The following MACROD2 variants were observed in gnomAD, a reference collection of about 807,000 sequenced individuals.
MACROD2 encodes the protein mono-ADP ribosylhydrolase 2.
MACROD2 carries 36 observed loss-of-function variants against 70.4 expected under a neutral mutation model. The ratio of observed to expected loss-of-function variants is 0.51; its 90% confidence interval spans 0.39 to 0.68. The LOEUF (loss-of-function observed/expected upper bound fraction) is 0.68, where lower values mean the gene tolerates loss of function less well. Ranked by LOEUF, MACROD2 falls within the 30% of genes least tolerant of loss-of-function variation. MACROD2 has a pLI of 0.00. For missense variants in MACROD2, 496 were observed against 538.4 expected (o/e 0.92, Z 0.78); for synonymous variants, 172 against 178.8 (o/e 0.96, Z 0.30).
intron 5 of MACROD2, among the ~76,000 whole-genome samples, chr20:14,978,633 C>T (rs2074765444): frequency 6.8e-6 from 1 of 147,288 alleles, no homozygotes; most frequent in African/African-American, 2.5e-5. Flanking sequence ...CCCCCCCACC[C>T]CACCCCATGA....
In MACROD2 at chr20:13,998,461, A is replaced by G. The variant is rs199820032; in HGVS notation, c.46+2652A>G. 2.6e-5 allele frequency among the ~76,000 whole-genome samples: 4 copies of G among 152,166 alleles called. No individual in the cohort carries two copies. The East Asian group carries it at 5.8e-4, about 22-fold the overall frequency. On this transcript the variant is annotated intron_variant, in intron 1 of 17. Transcript: ENST00000684519. ...ATTCACAAAAACTGTCAGTTGCTTC[A>G]TAATGTCTTTTAACCTGCTCAGTAA...
intron 6 of MACROD2, among the ~76,000 whole-genome samples, chr20:15,421,685 C>A (rs1036273226): frequency 3.9e-5 from 6 of 152,240 alleles, no homozygotes; most frequent in African/African-American, 1.4e-4. Context: ...ATCATTTATT[C>A]ATTTATCCAC....
intron 8 of MACROD2, among the ~76,000 whole-genome samples, chr20:15,688,445 G>A (rs1440340591): frequency 1.3e-5 from 2 of 152,154 alleles, no homozygotes. Context: ...ATGTATCAGG[G>A]AGGGAACACA....
intron 15 of MACROD2, among the ~76,000 whole-genome samples, chr20:16,035,154 A>C (rs2067213868): frequency 1.2e-5 from 1 of 86,642 alleles, no homozygotes; most frequent in Non-Finnish European, 2.1e-5. Flanking sequence ...TATATATAAA[A>C]TATAATATAA....
chr20:15,091,099 C>G (rs1430049888), intron 5 of MACROD2, among the ~76,000 whole-genome samples: 1 of 152,014 alleles, frequency 6.6e-6, no homozygotes, highest in African/African-American at 2.4e-5. Context: ...TGAGATAACA[C>G]TGGATCCTAG....
intron 5 of MACROD2, among the ~76,000 whole-genome samples, chr20:14,959,154 G>A (rs775138633): frequency 1.3e-5 from 2 of 152,020 alleles, no homozygotes; most frequent in African/African-American, 4.8e-5. Context: ...TGTTTGAGAC[G>A]GAGTTTCGCT....
intron 3 of MACROD2, among the ~76,000 whole-genome samples, chr20:14,482,239 T>A (rs1225063326): frequency 6.7e-6 from 1 of 150,360 alleles, no homozygotes. Context: ...GGAAGAAGAA[T>A]ATTGCTTTAA....
At chr20:15,084,214 G>A (rs1391099193) in intron 5 of MACROD2, among the ~76,000 whole-genome samples, 2 of 151,764 alleles carry the variant, frequency 1.3e-5, no homozygotes, top group African/African-American at 4.8e-5. Context: ...TAACAGGTGT[G>A]CATCACCATT....
chr20:14,757,252 G>T (rs117060524), intron 5 of MACROD2, among the ~76,000 whole-genome samples: 5,160 of 152,116 alleles, frequency 0.034, 131 homozygotes, highest in Non-Finnish European at 0.049. Context: ...GAATAATACA[G>T]TTATGACTTT....
intron 3 of MACROD2, among the ~76,000 whole-genome samples, chr20:14,468,598 C>T (rs979768108): frequency 1.3e-5 from 2 of 151,958 alleles, no homozygotes; most frequent in East Asian, 1.9e-4. Context: ...CTGCAACCTC[C>T]GCCTCCCGGG....
intron 8 of MACROD2, among the ~76,000 whole-genome samples, chr20:15,626,847 T>C (rs2049209811): frequency 6.6e-6 from 1 of 151,588 alleles, no homozygotes; most frequent in Non-Finnish European, 1.5e-5. Context: ...AGAACAAGAC[T>C]CCATACCCCA....
intron 15 of MACROD2, among the ~76,000 whole-genome samples, chr20:16,035,125 A>T (rs1264103764): frequency 5.1e-5 from 1 of 19,532 alleles, no homozygotes; most frequent in African/African-American, 1.0e-4. Context: ...TATAATATAA[A>T]ATATTATATA....
chr20:14,889,061 A>G (rs1383665089), intron 5 of MACROD2, among the ~76,000 whole-genome samples: 1 of 152,150 alleles, frequency 6.6e-6, no homozygotes, highest in Non-Finnish European at 1.5e-5. Context: ...ACATCATCTT[A>G]TACTATGGAT....
chr20:15,408,825 G>GCC, intron 6 of MACROD2, among the ~76,000 whole-genome samples: 1 of 152,158 alleles, frequency 6.6e-6, no homozygotes, highest in Non-Finnish European at 1.5e-5. Flanking sequence ...AGGAAATCTG[G>GCC]AGGGAATCTT....
At chr20:14,007,189 AAG>A (rs2052835403) in intron 2 of MACROD2, among the ~76,000 whole-genome samples, 1 of 146,502 alleles carries the variant, frequency 6.8e-6, no homozygotes, top group African/African-American at 2.5e-5. Flanking sequence ...GACTTCTATA[AAG>A]AGGAACTTTC....
intron 6 of MACROD2, among the ~76,000 whole-genome samples, chr20:15,261,929 G>A (rs1442224457): frequency 6.6e-6 from 1 of 151,686 alleles, no homozygotes; most frequent in Non-Finnish European, 1.5e-5. Flanking sequence ...TGGGTACATG[G>A]TAGGTGTATA....
intron 4 of MACROD2, among the ~76,000 whole-genome samples, chr20:14,607,773 C>T (rs1982899960): frequency 6.6e-6 from 1 of 152,048 alleles, no homozygotes; most frequent in South Asian, 2.1e-4. Flanking sequence ...GATTGTAACA[C>T]AATAAATTCC....
At chr20:15,807,576 C>T (rs754966083) in intron 8 of MACROD2, among the ~76,000 whole-genome samples, 4 of 152,072 alleles carry the variant, frequency 2.6e-5, no homozygotes, top group Non-Finnish European at 5.9e-5. Context: ...TTGTAAAAGA[C>T]ACTGTGAATT....
intron 5 of MACROD2, among the ~76,000 whole-genome samples, chr20:15,184,723 G>A (rs1018679915): frequency 1.8e-4 from 27 of 152,140 alleles, no homozygotes; most frequent in African/African-American, 5.3e-4. Flanking sequence ...TGGGAAATGC[G>A]GTCTTCCCAG....
Sources: allele counts gnomAD v4.1 joint callset (sites outside exome capture counted in the v4.1 genomes callset), GRCh38; gene constraint gnomAD v4.1.1; transcripts MANE v1.5; gene names NCBI Gene and HGNC (gene_info 2026-07-23, HGNC 2026-07-21).